ABCG2: variants seen among roughly 807,000 people sequenced by gnomAD.
The protein encoded by ABCG2 is broad substrate specificity ATP-binding cassette transporter ABCG2.
Under a neutral mutation model 73.5 loss-of-function variants are expected in ABCG2, and 80 were observed. The ratio of observed to expected loss-of-function variants is 1.09; its 90% CI spans 0.91 to 1.31. The LOEUF is 1.31. ABCG2 is among the 50% of genes most tolerant of loss of function. The pLI, the probability that ABCG2 is intolerant of heterozygous loss-of-function variation, is 0.00. For synonymous variants in ABCG2, 269 were observed against 282.4 expected (o/e 0.95, Z 0.48); for missense variants, 796 against 786.2 (o/e 1.01, Z -0.15).
chr4:88,131,901 C>T lies in ABCG2; in HGVS notation c.280G>A (p.Ala94Thr). The change falls in exon 4 of 16, where the codon GCT becomes ACT. Residue 94 changes from alanine (A) to threonine (T), a missense_variant. By Grantham distance (58) the Ala-to-Thr change is moderately conservative. Coordinates refer to ENST00000237612, the MANE Select transcript of ABCG2 (RefSeq NM_004827.3). ...GGKSSLLDVL[A>T]ARKDPSGLSG... ...AATCCACTTGGATCTTTCCTTGCAGCTAAGACATCTAATAACCTATAAGAG... is the reference window on the plus strand; with the variant it reads ...AATCCACTTGGATCTTTCCTTGCAGTTAAGACATCTAATAACCTATAAGAG... The T allele has an allele frequency of 1.2e-6, 2 of 1,613,524 alleles. No homozygotes were observed. The highest frequency in any genetic ancestry group is 1.1e-5 in the South Asian group (1 of 91,050).
At chr4:88,140,241 T>C (rs769467629) in intron 1 of ABCG2, among the ~76,000 whole-genome samples, 16 of 152,150 alleles carry the variant, frequency 1.1e-4, no homozygotes, top group Non-Finnish European at 1.9e-4. Context: ...AATACATCCC[T>C]AATAAGTAAA....
chr4:88,126,929 C>T (rs148066465), intron 5 of ABCG2, among the ~76,000 whole-genome samples: 19,056 of 151,964 alleles, frequency 0.13, 1,451 homozygotes, highest in Middle Eastern at 0.24. Context: ...CTGGCCAGGG[C>T]AATCAGGCAA....
upstream of ABCG2, chr4:88,163,619 A>G (rs1727400122): frequency 2.2e-5 from 4 of 182,070 alleles, no homozygotes; most frequent in African/African-American, 9.5e-5. Flanking sequence ...AAGAAGGGCT[A>G]TTCTGCCATA....
chr4:88,160,169 A>G (rs1286943446), upstream of ABCG2, among the ~76,000 whole-genome samples: 1 of 151,516 alleles, frequency 6.6e-6, no homozygotes, highest in Non-Finnish European at 1.5e-5. Context: ...TGAACACAGG[A>G]GGCAGAGGTT....
chr4:88,107,309 TTAGAGA>T, intron 9 of ABCG2, 43 bp from the exon 10 acceptor site: 1 of 1,401,710 alleles, frequency 7.1e-7, no homozygotes, highest in Admixed American at 2.0e-5. Context: ...AGAGTTTCAA[TTAGAGA>T]TAAAAACTTA....
intron 7 of ABCG2, among the ~76,000 whole-genome samples, chr4:88,116,470 T>C (rs1236022053): frequency 6.6e-6 from 1 of 151,900 alleles, no homozygotes; most frequent in Non-Finnish European, 1.5e-5. Flanking sequence ...TCATTTGTAA[T>C]CATATCCAAA....
chr4:88,197,106 C>A (rs1578271212), intron 1 of ABCG2, among the ~76,000 whole-genome samples: 1 of 151,472 alleles, frequency 6.6e-6, no homozygotes, highest in African/African-American at 2.4e-5. Context: ...TAGAATATTA[C>A]CCCCTACCCA....
chr4:88,114,170 A>G (rs770042669), intron 8 of ABCG2, among the ~76,000 whole-genome samples: 1 of 152,074 alleles, frequency 6.6e-6, no homozygotes, highest in Non-Finnish European at 1.5e-5. Flanking sequence ...ATAAATTAAA[A>G]TGTATATTTA....
rs150529467 is a variant in ABCG2, at chr4:88,144,281, C to T, written c.-19-4267G>A. On this transcript the variant is annotated intron_variant, in intron 1 of 15. Coordinates refer to ENST00000237612, the MANE Select transcript of ABCG2 (RefSeq NM_004827.3). ...ATCCCAGCCGATTCATGTTATTTGG[C>T]CTGATTATGTATCTTAGCCAACTCA... Among the ~76,000 whole-genome samples, 570 of 152,156 alleles carry T rather than the reference C, an allele frequency of 3.7e-3. 3 individuals carry two copies. The highest frequency in any genetic ancestry group is 6.2e-3 in the Non-Finnish European group (423 of 67,990).
At chr4:88,208,064 T>C (rs1729449449) in intron 1 of ABCG2, among the ~76,000 whole-genome samples, 1 of 152,196 alleles carries the variant, frequency 6.6e-6, no homozygotes, top group Non-Finnish European at 1.5e-5. Flanking sequence ...TTCCAAGGAA[T>C]CTCTCAATAA....
intron 1 of ABCG2, among the ~76,000 whole-genome samples, chr4:88,172,294 CAA>C (rs397815020): frequency 1.5e-5 from 2 of 133,744 alleles, no homozygotes; most frequent in South Asian, 2.4e-4. Context: ...AGCTCCGTCA[CAA>C]AAAAAAAAAA....
At chr4:88,108,566 T>A (rs1722913298) in intron 9 of ABCG2, among the ~76,000 whole-genome samples, 1 of 151,954 alleles carries the variant, frequency 6.6e-6, no homozygotes. Context: ...AATAAAAAAA[T>A]AAGAAATGGT....
chr4:88,158,360 C>A, intron 1 of ABCG2, 26 bp downstream of exon 1: 1 of 366,738 alleles, frequency 2.7e-6, no homozygotes, highest in Non-Finnish European at 5.5e-6. Context: ...ACACTCTCAG[C>A]GAAACTGGTT....
chr4:88,217,976 A>T (rs1455410299), intron 1 of ABCG2, among the ~76,000 whole-genome samples: 3 of 1,040 alleles, frequency 2.9e-3, no homozygotes, highest in South Asian at 0.036. Context: ...TAAAAATTAA[A>T]AAAAAAAAAA....
At chr4:88,213,473 ACCCTACCCT>A (rs1729681541) in intron 1 of ABCG2, among the ~76,000 whole-genome samples, 1 of 151,610 alleles carries the variant, frequency 6.6e-6, no homozygotes, top group South Asian at 2.1e-4. Flanking sequence ...CTCTCCTATT[ACCCTACCCT>A]AGAGGAACTG....
chr4:88,230,293 A>T (rs200676966), intron 1 of ABCG2, among the ~76,000 whole-genome samples: 76 of 5,244 alleles, frequency 0.014, no homozygotes, highest in South Asian at 0.05. Flanking sequence ...CGCACCTGTT[A>T]TATATATATA....
Position 88,101,300 on chromosome 4 carries a change from G to C in ABCG2, c.1297C>G (p.Leu433Val). The C allele has an allele frequency of 3.1e-6, 5 of 1,614,154 alleles. No individual in the cohort carries two copies. The highest frequency in any genetic ancestry group is 4.2e-6 in the Non-Finnish European group (5 of 1,180,034). The change falls in exon 11 of 16, where the codon CTG becomes GTG. Residue 433 changes from leucine to valine, a missense_variant. Leu to Val is a conservative substitution (Grantham distance 32). Coordinates refer to ENST00000237612, the MANE Select transcript of ABCG2 (RefSeq NM_004827.3). ...IQNRAGVLFF[L>V]TTNQCFSSVS... ...CTGCTGAAACACTGGTTGGTCGTCAGGAAGAAGAGAACCCCAGCTCTGCCA... is the reference window on the plus strand; with the variant it reads ...CTGCTGAAACACTGGTTGGTCGTCACGAAGAAGAGAACCCCAGCTCTGCCA...
intron 1 of ABCG2, among the ~76,000 whole-genome samples, chr4:88,202,377 T>TATATATATATATATAG (rs70959610): frequency 7.7e-6 from 1 of 129,808 alleles, no homozygotes; most frequent in Non-Finnish European, 1.6e-5. Flanking sequence ...TATATATATA[T>TATATATATATATATAG]GTATATTTTA....
chr4:88,207,815 A>G (rs1202482240), intron 1 of ABCG2, among the ~76,000 whole-genome samples: 3 of 152,140 alleles, frequency 2.0e-5, no homozygotes, highest in Non-Finnish European at 2.9e-5. Context: ...AAAGTGCTGG[A>G]ATTACAGGCA....
Sources: allele counts gnomAD v4.1 joint callset (sites outside exome capture counted in the v4.1 genomes callset), GRCh38; gene constraint gnomAD v4.1.1; transcripts MANE v1.5; gene names NCBI Gene and HGNC (gene_info 2026-07-23, HGNC 2026-07-21).